SIPA1L2: variants seen among roughly 807,000 people sequenced by gnomAD.
SIPA1L2 encodes signal induced proliferation associated 1 like 2, also known as signal-induced proliferation-associated 1-like protein 2.
Under a neutral mutation model 163.9 loss-of-function variants are expected in SIPA1L2, and 56 were observed. The ratio of observed to expected loss-of-function variants is 0.34; its 90% CI spans 0.28 to 0.43. SIPA1L2 has a LOEUF of 0.43. Ranked by LOEUF, SIPA1L2 falls within the 20% of genes least tolerant of loss-of-function variation. The pLI, the probability that SIPA1L2 is intolerant of heterozygous loss-of-function variation, is 1.00. For synonymous variants in SIPA1L2, 877 were observed against 865.7 expected, an observed-to-expected ratio of 1.01 and a Z score of -0.23; for missense variants, 1,974 against 2,193.5, an observed-to-expected ratio of 0.90 and a Z score of 2.00.
At chr1:232,533,179 T>C (rs768591701) in intron 2 of SIPA1L2, among the ~76,000 whole-genome samples, 43 of 152,188 alleles carry the variant, frequency 2.8e-4, no homozygotes, top group Non-Finnish European at 5.7e-4. Context: ...AGATTGGGTG[T>C]GGGGCCCCCA....
At chr1:232,517,923 T>G (rs760339681) in intron 2 of SIPA1L2, among the ~76,000 whole-genome samples, 2 of 152,064 alleles carry the variant, frequency 1.3e-5, no homozygotes, top group African/African-American at 4.8e-5. Flanking sequence ...GGTACACACC[T>G]GTAGTATCGG....
At chr1:232,422,063 A>C (rs1661607767) in intron 18 of SIPA1L2, among the ~76,000 whole-genome samples, 1 of 152,142 alleles carries the variant, frequency 6.6e-6, no homozygotes, top group South Asian at 2.1e-4. Flanking sequence ...TTTCAGTGTC[A>C]CTGGTTATGT....
At chr1:232,594,802 T>C (rs1390652266) in intron 1 of SIPA1L2, among the ~76,000 whole-genome samples, 1 of 152,172 alleles carries the variant, frequency 6.6e-6, no homozygotes, top group East Asian at 1.9e-4. Context: ...ACCATTTAAC[T>C]TTTTTATAAA....
chr1:232,511,569 T>C (rs1164383729), intron 3 of SIPA1L2, among the ~76,000 whole-genome samples: 1 of 152,198 alleles, frequency 6.6e-6, no homozygotes, highest in East Asian at 1.9e-4. Flanking sequence ...TTTAAGTCTA[T>C]ACTCCATGAG....
intron 2 of SIPA1L2, among the ~76,000 whole-genome samples, chr1:232,530,361 G>A (rs1054897712): frequency 3.9e-5 from 6 of 151,994 alleles, no homozygotes; most frequent in Non-Finnish European, 7.4e-5. Context: ...TGATCCACCC[G>A]CCTCGGCCTC....
intron 2 of SIPA1L2, among the ~76,000 whole-genome samples, chr1:232,517,942 G>A (rs972313958): frequency 1.3e-5 from 2 of 152,118 alleles, no homozygotes; most frequent in African/African-American, 4.8e-5. Flanking sequence ...GGCTACTTGG[G>A]AGGCTGAAGC....
At chr1:232,611,580 G>A (rs1423572273) in intron 1 of SIPA1L2, among the ~76,000 whole-genome samples, 1 of 152,160 alleles carries the variant, frequency 6.6e-6, no homozygotes, top group Non-Finnish European at 1.5e-5. Flanking sequence ...TCAGCAAAGA[G>A]ACTAGTGGCA....
At chr1:232,476,558 A>G (rs187905626) in intron 7 of SIPA1L2, among the ~76,000 whole-genome samples, 210 of 152,276 alleles carry the variant, frequency 1.4e-3, no homozygotes, top group African/African-American at 4.2e-3. Flanking sequence ...GCAGAAGGAA[A>G]GCACACAGGG....
intron 16 of SIPA1L2, among the ~76,000 whole-genome samples, chr1:232,429,458 A>G (rs1189997782): frequency 6.6e-6 from 1 of 152,220 alleles, no homozygotes; most frequent in Non-Finnish European, 1.5e-5. Flanking sequence ...GGAAATTGCT[A>G]GAATAAGAAA....
chr1:232,456,311 CA>C (rs1663915328), intron 10 of SIPA1L2, among the ~76,000 whole-genome samples: 1 of 152,144 alleles, frequency 6.6e-6, no homozygotes, highest in Admixed American at 6.5e-5. Context: ...CTCCTCTCTG[CA>C]TACTTCAGGG....
intron 1 of SIPA1L2, among the ~76,000 whole-genome samples, chr1:232,580,527 CA>C: frequency 6.6e-6 from 1 of 152,212 alleles, no homozygotes; most frequent in African/African-American, 2.4e-5. Flanking sequence ...GGAGCATGGC[CA>C]AAAACAGGTT....
intron 2 of SIPA1L2, among the ~76,000 whole-genome samples, chr1:232,569,027 T>C (rs1659567969): frequency 6.6e-6 from 1 of 152,106 alleles, no homozygotes; most frequent in Non-Finnish European, 1.5e-5. Flanking sequence ...ACTAACAGAG[T>C]ACTGCACTTA....
At chr1:232,570,560 T>C (rs563745699) in intron 2 of SIPA1L2, among the ~76,000 whole-genome samples, 3 of 152,212 alleles carry the variant, frequency 2.0e-5, no homozygotes, top group South Asian at 4.1e-4. Flanking sequence ...AGATTTGTGA[T>C]GTCCCCTTTC....
Position 232,609,189 on chromosome 1 carries a change from A to G in SIPA1L2, c.-319+20680T>C, listed in dbSNP as rs1414680304. Among the ~76,000 whole-genome samples, 5 of 152,194 alleles carry G rather than the reference A, an allele frequency of 3.3e-5. No individual in the cohort carries two copies. The East Asian group carries it at 7.7e-4, about 23-fold the overall frequency. On this transcript the variant is annotated intron_variant, in intron 1 of 22. Coordinates refer to ENST00000674635, the MANE Select transcript of SIPA1L2 (RefSeq NM_020808.5). ...GATGGTGTTAAAACAGTGATGTTTT[A>G]TAGTTAGTTGTCAACTTTAATACAA... is the stretch of plus-strand genomic sequence containing the variant.
intron 10 of SIPA1L2, 82 bp downstream of exon 10, chr1:232,460,805 G>A: frequency 6.7e-7 from 1 of 1,503,410 alleles, no homozygotes; most frequent in Non-Finnish European, 9.0e-7. Flanking sequence ...ATTTTCTGAG[G>A]ACCTTGCAGG....
chr1:232,557,606 C>T (rs537465750), intron 2 of SIPA1L2, among the ~76,000 whole-genome samples: 1 of 152,348 alleles, frequency 6.6e-6, no homozygotes, highest in South Asian at 2.1e-4. Flanking sequence ...TCTGCAGCTA[C>T]TGTGACTTCC....
intron 1 of SIPA1L2, among the ~76,000 whole-genome samples, chr1:232,583,637 G>A (rs1388649251): frequency 1.3e-5 from 2 of 152,150 alleles, no homozygotes; most frequent in African/African-American, 2.4e-5. Flanking sequence ...AATCAATAAA[G>A]AGAGGAGAGA....
chr1:232,465,239 C>G lies in SIPA1L2; in HGVS notation c.2421G>C (p.Glu807Asp). 6.2e-7 allele frequency: 1 copy of G among 1,614,162 alleles called. No homozygotes were observed. Among genetic ancestry groups the G allele is most frequent in the East Asian group, 2.2e-5 (1 of 44,884 alleles). ...AGTTCTCCGCCAGATCTTTCAAGTACTCCTGCCTCGTTCGAGTGGCCATTG... is the reference window on the plus strand; with the variant it reads ...AGTTCTCCGCCAGATCTTTCAAGTAGTCCTGCCTCGTTCGAGTGGCCATTG... ...FRAMATRTRQ[E>D]YLKDLAENFV... Residue 807 changes from glutamate (E) to aspartate (D), a missense_variant, in exon 9 of 23, where the codon GAG (glutamate) becomes GAC (aspartate). Around this residue, in one of 3 missense-constraint regions of SIPA1L2, gnomAD observed 288 missense variants for 418.9 expected, o/e 0.69. Coordinates refer to ENST00000674635, the MANE Select transcript of SIPA1L2 (RefSeq NM_020808.5). This position sits in a 1 kb window ranked among gnomAD's most constrained non-coding sequence, Gnocchi z 4.1.
rs74230924 is a variant in SIPA1L2 at position 232,562,625 on chromosome 1, G to A, written c.-270+11549C>T. On this transcript the variant is annotated intron_variant, in intron 2 of 22. Coordinates refer to ENST00000674635, the MANE Select transcript of SIPA1L2 (RefSeq NM_020808.5). ...CTTTTTCACCATAATGTACTGATGC[G>A]TATTTCCAAGAATGGATTCGAAGCC... Among the ~76,000 whole-genome samples, 302 of 152,256 alleles carry A rather than the reference G, an allele frequency of 2.0e-3. 2 individuals carry two copies. The East Asian group carries it at 0.029, about 15-fold the overall frequency.
Sources: allele counts gnomAD v4.1 joint callset (sites outside exome capture counted in the v4.1 genomes callset), GRCh38; gene constraint gnomAD v4.1.1; regional missense constraint gnomAD v4.1.1; non-coding constraint Gnocchi (gnomAD v3.1); transcripts MANE v1.5; gene names NCBI Gene and HGNC (gene_info 2026-07-23, HGNC 2026-07-21).